The following HMCN1 variants were observed in gnomAD, a reference collection of about 807,000 sequenced individuals.
The protein encoded by HMCN1 is hemicentin 1.
In HMCN1, 321 loss-of-function variants were observed where a neutral mutation model predicts 625.9. That is an observed-to-expected ratio of 0.51 (90% CI 0.47 to 0.56). The LOEUF is 0.56. Ranked by LOEUF, HMCN1 falls within the 20% of genes least tolerant of loss-of-function variation. HMCN1 has a pLI of 0.00. For synonymous variants in HMCN1, 2,425 were observed against 2,417.6 expected (o/e 1.00, Z -0.09); for missense variants, 6,588 against 6,887.3 (o/e 0.96, Z 1.54).
Position 185,925,033 on chromosome 1 carries a change from GT to G in HMCN1, c.1286-6del, listed in dbSNP as rs1290488643. 5.0e-6 allele frequency: 8 copies of G among 1,588,456 alleles called. No individual in the cohort carries two copies. Among genetic ancestry groups the G allele is most frequent in the South Asian group, 3.4e-5 (3 of 88,668 alleles). On this transcript the variant is annotated splice_polypyrimidine_tract_variant and intron_variant, in intron 8 of 106. Transcript: ENST00000271588. ...GCTTAAGTTTTTTGTTTTTGTTTTT[GT>G]TTTTTTTCCTAGATGCTCCCAAAGT...
chr1:185,858,586 A>ATTTTTTTTTTT lies in HMCN1; in HGVS notation c.340-5847_340-5837dup, dbSNP rs71101980. On this transcript the variant is annotated intron_variant, in intron 2 of 106. Transcript: ENST00000271588. ...GCCTATATGCCACCACACCCAGCTA[A>ATTTTTTTTTTT]TTTTTTTTTTTTTTTTTTTTTTTTT... is the stretch of plus-strand genomic sequence containing the variant. Among the ~76,000 whole-genome samples, 2 of 34,748 alleles carry ATTTTTTTTTTT rather than the reference A, an allele frequency of 5.8e-5. 1 individual carries two copies. Among genetic ancestry groups the ATTTTTTTTTTT allele is most frequent in the African/African-American group, 2.2e-4 (2 of 9,108 alleles). The allele number at this position is 34,748 out of a possible 152,430, so 22.8% of individuals were successfully genotyped here. A position where few individuals can be genotyped will look rare whatever the true frequency, so the allele number is the denominator to read the frequency against.
intron 83 of HMCN1, among the ~76,000 whole-genome samples, chr1:186,128,617 T>C (rs185509510): frequency 6.6e-4 from 101 of 152,158 alleles, no homozygotes; most frequent in African/African-American, 2.2e-3. Context: ...CCTTCATCAC[T>C]GATCAGTAGA....
chr1:186,078,205 G>A lies in HMCN1; in HGVS notation c.8584G>A (p.Asp2862Asn). The A allele has an allele frequency of 6.2e-7, 1 of 1,609,168 alleles. No homozygotes were observed. The highest frequency in any genetic ancestry group is 8.5e-7 in the Non-Finnish European group (1 of 1,175,802). The part of the protein sequence containing the change: ...NEAGEDSLQY[D>N]VRVLVPPIIK... ...GGCTGGAGAAGATTCCCTTCAATAT[G>A]ATGTCCGTGTACTCGGTGAGTTTTT... The change falls in exon 55 of 107, where the codon GAT becomes AAT. Residue 2862 changes from aspartate to asparagine, a missense_variant. By Grantham distance (23) the Asp-to-Asn change is conservative (BLOSUM62 1). This residue lies in a region of HMCN1 where 4,628 missense variants were observed against 4,853.1 expected (regional missense o/e 0.95). Transcript: ENST00000271588.
At position 185,966,614 on chromosome 1, in the gene HMCN1, G is replaced by GA. The variant is rs572754687; in HGVS notation, c.2212+707dup. Among the ~76,000 whole-genome samples, 27 of 151,896 alleles carry GA rather than the reference G, an allele frequency of 1.8e-4. 1 individual carries two copies. In the South Asian group the frequency reaches 5.6e-3, roughly 32 times the overall value. ...TCAGTTCTTCCAGTTACGGGAAAAA[G>GA]AAAAAAAATCCTGCAAACACCCTAA... On this transcript the variant is annotated intron_variant, in intron 14 of 106. Coordinates refer to ENST00000271588, the MANE Select transcript of HMCN1 (RefSeq NM_031935.3).
Position 186,153,914 on chromosome 1 carries a change from A to G in HMCN1, c.15183A>G (p.Ala5061=). 1 of 1,614,174 alleles carries G rather than the reference A, an allele frequency of 6.2e-7. No individual in the cohort carries two copies. The highest frequency in any genetic ancestry group is 8.5e-7 in the Non-Finnish European group (1 of 1,180,020). Residue 5061 remains alanine, a synonymous_variant, in exon 97 of 107, where the codon GCA becomes GCG. Coordinates refer to ENST00000271588, the MANE Select transcript of HMCN1 (RefSeq NM_031935.3). ...CTTTCTTGGTTGAAACACTTCATGC[A>G]TCCTCTGTGGAATCTGACTATAACC... ...RMPFLVETLH[A]SSVESDYNQI...
intron 11 of HMCN1, among the ~76,000 whole-genome samples, chr1:185,944,270 A>T (rs1668225546): frequency 6.6e-6 from 1 of 152,230 alleles, no homozygotes; most frequent in Non-Finnish European, 1.5e-5. Flanking sequence ...AGCTGTGAGT[A>T]CACAAAGACA....
At chr1:186,127,785 A>G (rs907477838) in intron 82 of HMCN1, among the ~76,000 whole-genome samples, 3 of 152,138 alleles carry the variant, frequency 2.0e-5, no homozygotes, top group African/African-American at 2.4e-5. Context: ...TATTTGTGCA[A>G]TGCAGAGCAG....
intron 49 of HMCN1, among the ~76,000 whole-genome samples, chr1:186,066,286 C>CATTA (rs886613592): frequency 6.6e-5 from 10 of 152,050 alleles, no homozygotes; most frequent in African/African-American, 1.9e-4. Flanking sequence ...TATGTTCATT[C>CATTA]ATTCATTCAT....
intron 41 of HMCN1, among the ~76,000 whole-genome samples, chr1:186,048,449 A>T (rs995014854): frequency 6.6e-6 from 1 of 152,144 alleles, no homozygotes; most frequent in Non-Finnish European, 1.5e-5. Flanking sequence ...AAATGACTTT[A>T]TCAGAAATTG....
chr1:185,775,843 A>G (rs757985593), intron 1 of HMCN1, among the ~76,000 whole-genome samples: 2 of 152,178 alleles, frequency 1.3e-5, no homozygotes, highest in Non-Finnish European at 2.9e-5. Context: ...TATTGGGAAC[A>G]TGTGTTTATT....
intron 1 of HMCN1, among the ~76,000 whole-genome samples, chr1:185,794,886 A>C (rs928696861): frequency 2.6e-5 from 4 of 152,190 alleles, no homozygotes; most frequent in Non-Finnish European, 5.9e-5. Flanking sequence ...AAGTAGTGCC[A>C]CTATATTTAT....
rs746243715 is a variant in HMCN1 at position 186,120,021 on chromosome 1, T to C, written c.12105T>C (p.His4035=). The C allele has an allele frequency of 1.2e-6, 2 of 1,614,058 alleles. No homozygotes were observed. The highest frequency in any genetic ancestry group is 1.3e-5 in the African/African-American group (1 of 75,024). The change falls in exon 80 of 107, where the codon CAT becomes CAC. Residue 4035 remains histidine (H), a synonymous_variant. Coordinates refer to ENST00000271588, the MANE Select transcript of HMCN1 (RefSeq NM_031935.3). ...GTAACTATGTTGTAGGCAGAAACCA[T>C]GCAGTTCTTCCTAGTGGCGGCTTAC... The part of the protein sequence containing the change: ...GINVNTSGRN[H]AVLPSGGLQI...
chr1:185,737,652 G>C (rs1653685872), intron 1 of HMCN1, among the ~76,000 whole-genome samples: 1 of 152,060 alleles, frequency 6.6e-6, no homozygotes, highest in South Asian at 2.1e-4. Context: ...CTATGGTTGG[G>C]TGACACAACC....
At chr1:186,132,505 G>T in intron 86 of HMCN1, 96 bp downstream of exon 86, 2 of 969,738 alleles carry the variant, frequency 2.1e-6, no homozygotes, top group Non-Finnish European at 3.2e-6. Context: ...AAGTTCATTA[G>T]TGGTAGCTCT....
chr1:186,158,904 G>T (rs61831319), intron 97 of HMCN1, among the ~76,000 whole-genome samples: 18,705 of 152,152 alleles, frequency 0.12, 1,440 homozygotes, highest in Middle Eastern at 0.22. Context: ...GCTTAGGATT[G>T]ACTTGGCAAT....
intron 36 of HMCN1, among the ~76,000 whole-genome samples, chr1:186,024,477 G>A (rs1203567633): frequency 6.6e-6 from 1 of 152,024 alleles, no homozygotes; most frequent in Middle Eastern, 3.2e-3. Context: ...CTCCCATCAA[G>A]TTCAGTTCTT....
At chr1:185,889,524 T>C (rs528247278) in intron 4 of HMCN1, among the ~76,000 whole-genome samples, 1 of 139,700 alleles carries the variant, frequency 7.2e-6, no homozygotes, top group African/African-American at 3.2e-5. Flanking sequence ...CATGAAGGGT[T>C]GTTGAATTTT....
chr1:186,165,818 C>A (rs1651842082), intron 98 of HMCN1, among the ~76,000 whole-genome samples: 1 of 152,154 alleles, frequency 6.6e-6, no homozygotes, highest in Non-Finnish European at 1.5e-5. Context: ...TATGTAACTT[C>A]TTTTTTCCTC....
intron 1 of HMCN1, among the ~76,000 whole-genome samples, chr1:185,743,013 T>C (rs918471845): frequency 6.6e-6 from 1 of 152,206 alleles, no homozygotes; most frequent in African/African-American, 2.4e-5. Context: ...GGAACAGCCT[T>C]CTACTTTATT....
Sources: allele counts gnomAD v4.1 joint callset (sites outside exome capture counted in the v4.1 genomes callset), GRCh38; gene constraint gnomAD v4.1.1; regional missense constraint gnomAD v4.1.1; transcripts MANE v1.5; gene names NCBI Gene and HGNC (gene_info 2026-07-23, HGNC 2026-07-21).